The following NMBR variants were observed in gnomAD, a reference collection of about 807,000 sequenced individuals.
NMBR encodes the protein neuromedin-B receptor.
In NMBR, 16 loss-of-function variants were observed where a neutral mutation model predicts 20.5. The ratio of observed to expected loss-of-function variants is 0.78; its 90% CI spans 0.53 to 1.19. The LOEUF is 1.19. NMBR is among the 50% of genes most tolerant of loss of function. The probability of loss-of-function intolerance (pLI) is 0.00; values close to 1 mark genes in which losing one functional copy is unlikely to be tolerated. For missense variants in NMBR, 582 were observed against 499.1 expected (o/e 1.17, Z -1.58); for synonymous variants, 212 against 196.6 (o/e 1.08, Z -0.65).
chr6:142,104,492 G>A (rs1413850021), intron 1 of NMBR, among the ~76,000 whole-genome samples: 4 of 152,120 alleles, frequency 2.6e-5, no homozygotes, highest in Non-Finnish European at 5.9e-5. Flanking sequence ...ACTTAACTTT[G>A]AAGCTGAAAT....
chr6:142,127,011 T>C (rs1778052974), intron 1 of NMBR, among the ~76,000 whole-genome samples: 1 of 151,814 alleles, frequency 6.6e-6, no homozygotes, highest in Admixed American at 6.6e-5. Flanking sequence ...ATAACTTATC[T>C]GTATTTTTGT....
At chr6:142,122,873 T>C (rs1777969543) in intron 1 of NMBR, among the ~76,000 whole-genome samples, 1 of 151,952 alleles carries the variant, frequency 6.6e-6, no homozygotes, top group Non-Finnish European at 1.5e-5. Context: ...TCATTGACAG[T>C]GCACCTAGTC....
intron 1 of NMBR, among the ~76,000 whole-genome samples, chr6:142,110,691 A>T (rs2114589409): frequency 6.6e-6 from 1 of 152,308 alleles, no homozygotes; most frequent in South Asian, 2.1e-4. Flanking sequence ...AAACTATTTA[A>T]TTGTACACTT....
Position 142,079,386 on chromosome 6 carries a change from A to T in NMBR, c.423-483T>A, listed in dbSNP as rs1582834711. ...ATTCCACTACTTATTAGCACAGAAA[A>T]CAAAAAGAGAGAGAAAAATATTTTA... is the stretch of plus-strand genomic sequence containing the variant. On this transcript the variant is annotated intron_variant, in intron 2 of 3. Transcript: ENST00000258042. Among the ~76,000 whole-genome samples the T allele has an allele frequency of 4.6e-5, 7 of 152,278 alleles. No individual in the cohort carries two copies. In the East Asian group the frequency reaches 1.4e-3, roughly 29 times the overall value.
At chr6:142,095,580 T>C (rs1198958828) in intron 1 of NMBR, among the ~76,000 whole-genome samples, 2 of 152,068 alleles carry the variant, frequency 1.3e-5, no homozygotes, top group Admixed American at 6.5e-5. Flanking sequence ...GATTTTTGCA[T>C]TGATGTTCCT....
intron 1 of NMBR, among the ~76,000 whole-genome samples, chr6:142,138,200 C>T (rs1018470892): frequency 2.6e-5 from 4 of 152,090 alleles, no homozygotes; most frequent in African/African-American, 9.7e-5. Flanking sequence ...TGTATTACTG[C>T]CTTATACTGG....
intron 1 of NMBR, among the ~76,000 whole-genome samples, chr6:142,137,939 A>G (rs1778291653): frequency 6.6e-6 from 1 of 151,954 alleles, no homozygotes; most frequent in African/African-American, 2.4e-5. Flanking sequence ...AAAAAATGCT[A>G]TGGATTATAT....
intron 1 of NMBR, among the ~76,000 whole-genome samples, chr6:142,125,063 A>G (rs1349764299): frequency 1.3e-5 from 2 of 151,898 alleles, no homozygotes; most frequent in African/African-American, 4.8e-5. Context: ...TTGGCAGGTC[A>G]GAGATTTCAG....
rs1776940378 is a variant in NMBR, at chr6:142,076,058, A to ATTGAT, written c.772-10_772-9insATCAA. ...CGTTTCCGTGTTTCCATCTGCAAAT[A>ATTGAT]TAAGAAATTGATCCCATTGGTTAAA... On this transcript the variant is annotated splice_polypyrimidine_tract_variant and intron_variant, in intron 3 of 3. Coordinates refer to ENST00000258042, the MANE Select transcript of NMBR (RefSeq NM_002511.4). The ATTGAT allele has an allele frequency of 1.9e-6, 3 of 1,555,566 alleles. No homozygotes were observed. The highest frequency in any genetic ancestry group is 2.6e-6 in the Non-Finnish European group (3 of 1,155,056).
chr6:142,105,565 C>T (rs1777647373), intron 1 of NMBR, among the ~76,000 whole-genome samples: 1 of 152,118 alleles, frequency 6.6e-6, no homozygotes, highest in Non-Finnish European at 1.5e-5. Flanking sequence ...AATTTGAAAC[C>T]TGTAACTTCA....
intron 1 of NMBR, among the ~76,000 whole-genome samples, chr6:142,112,781 G>T (rs1268549258): frequency 6.6e-6 from 1 of 152,054 alleles, no homozygotes; most frequent in Non-Finnish European, 1.5e-5. Context: ...TTTCATCAAT[G>T]CTATTTAAGT....
At chr6:142,124,519 T>C (rs1931997) in intron 1 of NMBR, among the ~76,000 whole-genome samples, 10,135 of 151,902 alleles carry the variant, frequency 0.067, 493 homozygotes, top group Admixed American at 0.15. Context: ...ACATTGTGTG[T>C]TTAAATAATT....
chr6:142,079,104 G>GAA (rs764796811), intron 2 of NMBR, among the ~76,000 whole-genome samples: 15,389 of 58,358 alleles, frequency 0.26, 1,122 homozygotes, highest in African/African-American at 0.41. Flanking sequence ...AAGAGAGAGA[G>GAA]AGAAAGAAAG....
chr6:142,095,565 T>G (rs1452352075), intron 1 of NMBR, among the ~76,000 whole-genome samples: 1 of 152,190 alleles, frequency 6.6e-6, no homozygotes, highest in South Asian at 2.1e-4. Context: ...TAGTATTTCA[T>G]TGAGGATTTT....
Position 142,075,935 on chromosome 6 carries a change from T to A in NMBR, c.886A>T (p.Ile296Phe). 1.2e-6 allele frequency: 2 copies of A among 1,614,002 alleles called. No homozygotes were observed. Among genetic ancestry groups the A allele is most frequent in the Non-Finnish European group, 1.7e-6 (2 of 1,179,934 alleles). ...YMYRSFNYNE[I>F]DPSLGHMIVT... ...ATCATGTGGCCTAGAGATGGATCAA[T>A]CTCATTATAGTTGAAAGACCGATAC... The change falls in exon 4 of 4, where the codon ATT becomes TTT. Residue 296 changes from isoleucine (I) to phenylalanine (F), a missense_variant. Physicochemically the swap from Ile to Phe is conservative, Grantham distance 21 (BLOSUM62 0). Coordinates refer to ENST00000258042, the MANE Select transcript of NMBR (RefSeq NM_002511.4).
rs375752754 is a variant in NMBR, at chr6:142,076,060, A to G, written c.772-11T>C. 6.4e-6 allele frequency: 10 copies of G among 1,554,216 alleles called. No individual in the cohort carries two copies. Among genetic ancestry groups the G allele is most frequent in the African/African-American group, 1.4e-5 (1 of 72,510 alleles). ...TTTCCGTGTTTCCATCTGCAAATAT[A>G]AGAAATTGATCCCATTGGTTAAAGT... On this transcript the variant is annotated splice_polypyrimidine_tract_variant and intron_variant, in intron 3 of 3. Transcript: ENST00000258042.
intron 3 of NMBR, among the ~76,000 whole-genome samples, chr6:142,076,757 C>G (rs1456289030): frequency 6.6e-6 from 1 of 152,126 alleles, no homozygotes; most frequent in Non-Finnish European, 1.5e-5. Context: ...TTCCTAACAT[C>G]AGTAGTTCAA....
chr6:142,086,458 G>C (rs570517855), intron 2 of NMBR, among the ~76,000 whole-genome samples: 2 of 152,186 alleles, frequency 1.3e-5, no homozygotes, highest in South Asian at 4.1e-4. Context: ...AAAAATAGAA[G>C]TGTAGACAAT....
chr6:142,099,206 C>A (rs1421197983), intron 1 of NMBR, among the ~76,000 whole-genome samples: 1 of 152,066 alleles, frequency 6.6e-6, no homozygotes, highest in Non-Finnish European at 1.5e-5. Flanking sequence ...TTATAAAATT[C>A]CTGGAAGATC....
Sources: gnomAD v4.1 joint callset for allele counts (sites outside exome capture counted in the v4.1 genomes callset) on GRCh38, gnomAD v4.1.1 for gene constraint, MANE v1.5 for transcripts, NCBI Gene and HGNC (gene_info 2026-07-23, HGNC 2026-07-21) for gene names.